CDH19: variants seen among roughly 807,000 people sequenced by gnomAD.
CDH19 encodes cadherin 19.
In CDH19, 67 loss-of-function variants were observed where a neutral mutation model predicts 64.2. That is an observed-to-expected ratio of 1.04 (90% CI 0.86 to 1.28). The LOEUF is 1.28. CDH19 is among the 50% of genes most tolerant of loss of function. CDH19 has a pLI of 0.00. For missense variants in CDH19, 1,030 were observed against 929.0 expected (o/e 1.11, Z -1.41); for synonymous variants, 346 against 319.3 (o/e 1.08, Z -0.89).
intron 1 of CDH19, among the ~76,000 whole-genome samples, chr18:66,583,049 G>A (rs192532610): frequency 7.9e-4 from 120 of 152,086 alleles, no homozygotes; most frequent in African/African-American, 2.8e-3. Flanking sequence ...ATTTGTCAAG[G>A]GTAAATTTTT....
intron 5 of CDH19, 63 bp from the exon 6 acceptor site, chr18:66,544,966 G>GTTTT: frequency 8.1e-7 from 1 of 1,241,136 alleles, no homozygotes; most frequent in Non-Finnish European, 1.1e-6. Context: ...TGCAATTATA[G>GTTTT]TTTTTTGTTT....
At chr18:66,581,191 T>C (rs974062666) in intron 1 of CDH19, among the ~76,000 whole-genome samples, 1 of 150,626 alleles carries the variant, frequency 6.6e-6, no homozygotes, top group Admixed American at 6.7e-5. Context: ...CTGGGAATGT[T>C]AATCCATATT....
At chr18:66,557,665 C>A (rs1987567103) in intron 3 of CDH19, among the ~76,000 whole-genome samples, 1 of 151,824 alleles carries the variant, frequency 6.6e-6, no homozygotes, top group African/African-American at 2.4e-5. Flanking sequence ...TTTAGAAATG[C>A]TTACTTTTTG....
intron 4 of CDH19, among the ~76,000 whole-genome samples, chr18:66,552,198 G>T (rs771853102): frequency 1.3e-5 from 2 of 151,630 alleles, no homozygotes; most frequent in African/African-American, 2.4e-5. Flanking sequence ...GCACATTTAC[G>T]CCCTGAACCT....
chr18:66,544,291 G>A, intron 6 of CDH19, 67 bp from the exon 7 acceptor site: 2 of 1,448,174 alleles, frequency 1.4e-6, no homozygotes, highest in Non-Finnish European at 1.9e-6. Flanking sequence ...TTAGAAAAAA[G>A]GTTTTACCTG....
Position 66,591,905 on chromosome 18 carries a change from T to C in CDH19, c.-113+12049A>G, listed in dbSNP as rs530985716. Among the ~76,000 whole-genome samples, 5 of 151,958 alleles carry C rather than the reference T, an allele frequency of 3.3e-5. No homozygotes were observed. In the South Asian group the frequency reaches 1.0e-3, roughly 32 times the overall value. On this transcript the variant is annotated intron_variant, in intron 1 of 11. Transcript: ENST00000262150. ...AAACAGTCTAAGCAATCCATATTTA[T>C]CTCTTTTCTAATCTCCAGACCTACA...
chr18:66,555,886 C>A (rs745689512), intron 3 of CDH19, among the ~76,000 whole-genome samples: 17 of 151,732 alleles, frequency 1.1e-4, no homozygotes, highest in Non-Finnish European at 1.9e-4. Flanking sequence ...ATAAGGGGTT[C>A]CCATCCCTGG....
intron 3 of CDH19, 117 bp from the exon 4 acceptor site, chr18:66,554,641 C>A (rs1987455042): frequency 8.5e-6 from 6 of 708,828 alleles, no homozygotes; most frequent in Non-Finnish European, 1.3e-5. Flanking sequence ...AAGCTCAATT[C>A]ACCTCCTTGT....
At chr18:66,590,577 G>A (rs1040833649) in intron 1 of CDH19, among the ~76,000 whole-genome samples, 5 of 150,270 alleles carry the variant, frequency 3.3e-5, no homozygotes, top group Non-Finnish European at 7.4e-5. Context: ...CTTATTTATA[G>A]AACAGTGTTT....
chr18:66,551,091 T>A lies in CDH19; in HGVS notation c.775+3A>T. ...ATGAAGATGTAGAATCCTTTTTACT[T>A]ACTTTCTTTAAATATAGGCTTATTG... On this transcript the variant is annotated splice_donor_region_variant and intron_variant, in intron 5 of 11. Transcript: ENST00000262150. 9.3e-6 allele frequency: 14 copies of A among 1,503,334 alleles called. No individual in the cohort carries two copies. Among genetic ancestry groups the A allele is most frequent in the Non-Finnish European group, 1.2e-5 (13 of 1,086,876 alleles). The allele number at this position is 1,503,334 out of a possible 1,614,324, so 93.1% of individuals were successfully genotyped here. A position where few individuals can be genotyped will look rare whatever the true frequency, so the allele number is the denominator to read the frequency against.
chr18:66,534,740 T>A (rs2144439495), intron 8 of CDH19, among the ~76,000 whole-genome samples: 1 of 152,070 alleles, frequency 6.6e-6, no homozygotes, highest in South Asian at 2.1e-4. Context: ...TGTATTTTGT[T>A]GTTTCCTCAA....
At chr18:66,603,480 T>A (rs1476438789) in intron 1 of CDH19, among the ~76,000 whole-genome samples, 1 of 148,310 alleles carries the variant, frequency 6.7e-6, no homozygotes, top group Non-Finnish European at 1.5e-5. Context: ...ATAATATACT[T>A]AAAATTTTTC....
chr18:66,558,508 G>A (rs548836024), intron 3 of CDH19, among the ~76,000 whole-genome samples: 2 of 151,840 alleles, frequency 1.3e-5, no homozygotes, highest in South Asian at 4.1e-4. Context: ...GTATTCGGCA[G>A]AAATCCTCAA....
chr18:66,540,917 G>A (rs2144471382), intron 7 of CDH19, among the ~76,000 whole-genome samples: 1 of 152,060 alleles, frequency 6.6e-6, no homozygotes, highest in African/African-American at 2.4e-5. Context: ...TAATTTTATG[G>A]TAGTAATTTT....
chr18:66,516,959 G>A (rs768787624), intron 9 of CDH19, among the ~76,000 whole-genome samples: 2 of 152,054 alleles, frequency 1.3e-5, no homozygotes, highest in Non-Finnish European at 1.5e-5. Context: ...TAAAAATGAT[G>A]TCCATATGTC....
chr18:66,527,324 T>C (rs959327131), intron 9 of CDH19, among the ~76,000 whole-genome samples: 1 of 152,094 alleles, frequency 6.6e-6, no homozygotes, highest in African/African-American at 2.4e-5. Flanking sequence ...AATATATTTT[T>C]CTGAAAGCAT....
At chr18:66,528,478 G>A (rs1986309607) in intron 9 of CDH19, among the ~76,000 whole-genome samples, 1 of 152,072 alleles carries the variant, frequency 6.6e-6, no homozygotes, top group South Asian at 2.1e-4. Context: ...AAATCCTTGG[G>A]TTCTAACCCA....
Position 66,502,140 on chromosome 18 carries a change from C to T in CDH19, c.*2672G>A, listed in dbSNP as rs916942806. On this transcript the variant is annotated 3_prime_UTR_variant, in exon 12 of 12. Transcript: ENST00000262150. ...GTGTTCTTGCAACACCCATGTGATG[C>T]AAAACATAAAATAATTATTGAATAT... 3 of 152,046 alleles carry T rather than the reference C, an allele frequency of 2.0e-5. No homozygotes were observed. Among genetic ancestry groups the T allele is most frequent in the African/African-American group, 7.2e-5 (3 of 41,426 alleles). The allele number at this position is 152,046 out of a possible 1,614,324, so 9.4% of individuals were successfully genotyped here. A position where few individuals can be genotyped will look rare whatever the true frequency, so the allele number is the denominator to read the frequency against.
rs758759719 is a variant in CDH19 at position 66,509,144 on chromosome 18, A to G, written c.1679T>C (p.Leu560Pro). 75 of 1,612,872 alleles carry G rather than the reference A, an allele frequency of 4.7e-5. No homozygotes were observed. The highest frequency in any genetic ancestry group is 5.5e-5 in the Non-Finnish European group (65 of 1,179,310). ...GATGGTAAGGGTGTTTGTACTTGTA[A>G]GTGACGGGATTCCATTGTCGGCAAT... is the stretch of plus-strand genomic sequence containing the variant. Reference protein sequence around the residue: ...ILIADNGIPSLTSTNTLTIHV... With the variant: ...ILIADNGIPSPTSTNTLTIHV... Residue 560 changes from leucine to proline, a missense_variant, in exon 11 of 12, where the codon CTT (leucine) becomes CCT (proline). Transcript: ENST00000262150.
Sources: allele counts gnomAD v4.1 joint callset (sites outside exome capture counted in the v4.1 genomes callset), GRCh38; gene constraint gnomAD v4.1.1; transcripts MANE v1.5; gene names NCBI Gene and HGNC (gene_info 2026-07-23, HGNC 2026-07-21).